Variants in SPATA33 observed in about 807,000 individuals in gnomAD.
The protein encoded by SPATA33 is spermatogenesis-associated protein 33.
Under a neutral mutation model 8.9 loss-of-function variants are expected in SPATA33, and 10 were observed. The ratio of observed to expected loss-of-function variants is 1.12; its 90% CI spans 0.69 to 1.90. The LOEUF is 1.90. SPATA33 is among the 40% of genes most tolerant of loss of function. The pLI is 0.00. For synonymous variants in SPATA33, 96 were observed against 72.8 expected (o/e 1.32, Z -1.63); for missense variants, 241 against 178.3 (o/e 1.35, Z -2.00).
At chr16:89,663,817 T>G (rs1237014435) in intron 2 of SPATA33, among the ~76,000 whole-genome samples, 1 of 152,172 alleles carries the variant, frequency 6.6e-6, no homozygotes, top group Admixed American at 6.5e-5. Context: ...ACTATAGTTA[T>G]ATAAAACGTT....
At chr16:89,657,994 G>T in intron 1 of SPATA33, 46 bp downstream of exon 1, 2 of 1,503,376 alleles carry the variant, frequency 1.3e-6, no homozygotes, top group Non-Finnish European at 1.8e-6. Context: ...CCGCCCCTGG[G>T]CGCGGGCCCA....
At chr16:89,664,777 A>G (rs166297) in intron 2 of SPATA33, among the ~76,000 whole-genome samples, 129,576 of 151,844 alleles carry the variant, frequency 0.85, 55,642 homozygotes, top group Non-Finnish European at 0.91. Flanking sequence ...GCCTCCAACC[A>G]GAATGGGCTT....
At chr16:89,660,732 G>C (rs763625680) in intron 2 of SPATA33, 89 of 771,528 alleles carry the variant, frequency 1.2e-4, no homozygotes, top group Non-Finnish European at 1.5e-4. Context: ...GCAGAAATGG[G>C]AGCCGGCCAC....
chr16:89,659,709 A>T (rs1348147355), intron 2 of SPATA33: 2 of 151,046 alleles, frequency 1.3e-5, no homozygotes, highest in African/African-American at 4.9e-5. Flanking sequence ...AATAATAAGG[A>T]GAGAACCACT....
intron 2 of SPATA33, among the ~76,000 whole-genome samples, chr16:89,668,630 G>A (rs1440810444): frequency 6.6e-6 from 1 of 151,748 alleles, no homozygotes; most frequent in African/African-American, 2.4e-5. Context: ...GGGGGCGGGC[G>A]GCTGTGTCTG....
chr16:89,666,428 T>G (rs1597807132), intron 2 of SPATA33, among the ~76,000 whole-genome samples: 1 of 151,518 alleles, frequency 6.6e-6, no homozygotes, highest in Non-Finnish European at 1.5e-5. Context: ...TTTGGGAGGG[T>G]GAAGTGGGAG....
In SPATA33 at chr16:89,669,540, G is replaced by A. The variant is rs775939209; in HGVS notation, c.*43G>A. ...GCACTCGCTACTCCCTGCGATAGGC[G>A]TCTCGGGAACAGCCGCCTCACCCTG... On this transcript the variant is annotated 3_prime_UTR_variant, in exon 3 of 3. Transcript: ENST00000579310. 6 of 1,588,830 alleles carry A rather than the reference G, an allele frequency of 3.8e-6. No homozygotes were observed. The highest frequency in any genetic ancestry group is 2.2e-5 in the East Asian group (1 of 44,624).
chr16:89,662,342 C>G (rs2059975414), intron 2 of SPATA33, among the ~76,000 whole-genome samples: 1 of 150,090 alleles, frequency 6.7e-6, no homozygotes, highest in African/African-American at 2.4e-5. Flanking sequence ...AACAAGATAA[C>G]AAAATACTGA....
Position 89,658,248 on chromosome 16 carries a change from G to A in SPATA33, c.38G>A (p.Gly13Asp), listed in dbSNP as rs1328682594. The change falls in exon 2 of 3, where the codon GGT becomes GAT. Residue 13 changes from glycine (G) to aspartate (D), a missense_variant and splice_region_variant. Coordinates refer to ENST00000579310, the MANE Select transcript of SPATA33 (RefSeq NM_001271907.2). ...LSKSKEKPRK[G>D]EEQKKGSTYS... ...CTAACGGATGATCCATATATTTCAG[G>A]TGAGGAGCAAAAGAAGGGATCCACC... is the stretch of plus-strand genomic sequence containing the variant. 6.2e-7 allele frequency: 1 copy of A among 1,614,018 alleles called. No individual in the cohort carries two copies. Among genetic ancestry groups the A allele is most frequent in the Non-Finnish European group, 8.5e-7 (1 of 1,180,012 alleles).
chr16:89,661,023 A>G (rs1046692839), intron 2 of SPATA33: 1 of 990,402 alleles, frequency 1.0e-6, no homozygotes, highest in Non-Finnish European at 1.2e-6. Flanking sequence ...CTGCCTGGAC[A>G]ACCACACGTG....
At chr16:89,658,454 C>A in intron 2 of SPATA33, 33 bp downstream of exon 2, 1 of 1,567,748 alleles carries the variant, frequency 6.4e-7, no homozygotes, top group South Asian at 1.2e-5. Flanking sequence ...GAAGCGAGGT[C>A]AGTGGCTTGG....
At chr16:89,658,636 C>T (rs2059920200) in intron 2 of SPATA33, 3 of 664,258 alleles carry the variant, frequency 4.5e-6, no homozygotes, top group Non-Finnish European at 7.5e-6. Flanking sequence ...AGGTCAGTTC[C>T]CGAGTGATAA....
At chr16:89,666,756 G>C (rs1308937940) in intron 2 of SPATA33, among the ~76,000 whole-genome samples, 3 of 152,216 alleles carry the variant, frequency 2.0e-5, no homozygotes, top group Non-Finnish European at 4.4e-5. Flanking sequence ...CATCTCCAAT[G>C]ATAGGTGAGG....
intron 2 of SPATA33, among the ~76,000 whole-genome samples, chr16:89,666,831 G>C (rs980816784): frequency 2.6e-5 from 4 of 152,214 alleles, no homozygotes; most frequent in Non-Finnish European, 5.9e-5. Context: ...GGCAGAGAGA[G>C]AGGAGACAGA....
At chr16:89,668,441 C>T (rs1295207630) in intron 2 of SPATA33, among the ~76,000 whole-genome samples, 3 of 150,162 alleles carry the variant, frequency 2.0e-5, no homozygotes, top group Admixed American at 6.7e-5. Flanking sequence ...ACTGTAGTTA[C>T]GTTTCTGTAA....
At chr16:89,663,204 C>T (rs1393611467) in intron 2 of SPATA33, among the ~76,000 whole-genome samples, 2 of 151,536 alleles carry the variant, frequency 1.3e-5, no homozygotes, top group Non-Finnish European at 1.5e-5. Flanking sequence ...GTGAAAAAAG[C>T]CAATCCCAGA....
In SPATA33 at chr16:89,661,173, C is replaced by T. The variant is rs1032205852; in HGVS notation, c.211+2752C>T. The T allele has an allele frequency of 6.1e-6, 6 of 985,280 alleles. No individual in the cohort carries two copies. The African/African-American group carries it at 7.0e-5, about 11-fold the overall frequency. The allele number at this position is 985,280 out of a possible 1,614,324, so 61.0% of individuals were successfully genotyped here. On this transcript the variant is annotated intron_variant, in intron 2 of 2. Transcript: ENST00000579310. Reference sequence around the variant, plus strand: ...GGGCCATGATGGGGAGAAAGTTTGGCCATAAGTTAATCACTGTGGCAGCTG... The same window carrying T: ...GGGCCATGATGGGGAGAAAGTTTGGTCATAAGTTAATCACTGTGGCAGCTG...
intron 2 of SPATA33, 167 bp downstream of exon 2, chr16:89,658,588 A>C: frequency 1.2e-6 from 1 of 849,226 alleles, no homozygotes; most frequent in Non-Finnish European, 1.8e-6. Context: ...GTAAATATCC[A>C]GAAATCTTAG....
intron 2 of SPATA33, chr16:89,660,768 G>T (rs1474113720): frequency 2.2e-6 from 2 of 891,232 alleles, no homozygotes; most frequent in African/African-American, 3.5e-5. Flanking sequence ...GACTTTGGAG[G>T]GTGATGGAAA....
Sources: gnomAD v4.1 joint callset for allele counts (sites outside exome capture counted in the v4.1 genomes callset) on GRCh38, gnomAD v4.1.1 for gene constraint, MANE v1.5 for transcripts, NCBI Gene and HGNC (gene_info 2026-07-23, HGNC 2026-07-21) for gene names.